The following CADM2 variants were observed in gnomAD, a reference collection of about 807,000 sequenced individuals.
The protein encoded by CADM2 is cell adhesion molecule 2.
In CADM2, 12 loss-of-function variants were observed where a neutral mutation model predicts 49.8. That is an observed-to-expected ratio of 0.24 (90% CI 0.15 to 0.39). The LOEUF is 0.39. Ranked by LOEUF, CADM2 falls within the 10% of genes least tolerant of loss-of-function variation. CADM2 has a pLI of 1.00. For synonymous variants in CADM2, 214 were observed against 175.4 expected (o/e 1.22, Z -1.74); for missense variants, 378 against 492.3 (o/e 0.77, Z 2.20).
chr3:85,340,317 A>C (rs1272092741), intron 1 of CADM2, among the ~76,000 whole-genome samples: 1 of 151,608 alleles, frequency 6.6e-6, no homozygotes, highest in Non-Finnish European at 1.5e-5. Context: ...TTAACAGGAA[A>C]ATTTATAAAC....
At chr3:85,675,099 T>C (rs1419368798) in intron 1 of CADM2, among the ~76,000 whole-genome samples, 1 of 152,116 alleles carries the variant, frequency 6.6e-6, no homozygotes, top group Non-Finnish European at 1.5e-5. Context: ...TTTACTTCAG[T>C]CTTAACTCCA....
chr3:85,819,399 C>G (rs2073413850), intron 3 of CADM2, among the ~76,000 whole-genome samples: 1 of 152,122 alleles, frequency 6.6e-6, no homozygotes, highest in Non-Finnish European at 1.5e-5. Flanking sequence ...CAGGTTGACA[C>G]TTAATATTAA....
chr3:86,013,107 C>T (rs1731757783), intron 8 of CADM2: 21 of 1,346,662 alleles, frequency 1.6e-5, no homozygotes, highest in South Asian at 1.4e-4. Flanking sequence ...AATATTTGAT[C>T]TTACAGTCAT....
intron 1 of CADM2, among the ~76,000 whole-genome samples, chr3:85,638,028 A>G (rs534975382): frequency 9.9e-5 from 15 of 152,186 alleles, no homozygotes; most frequent in African/African-American, 2.4e-5. Flanking sequence ...AAAGAGTGCA[A>G]TTCCTGGGAT....
intron 1 of CADM2, among the ~76,000 whole-genome samples, chr3:85,175,772 T>TA: frequency 6.6e-6 from 1 of 152,008 alleles, no homozygotes; most frequent in East Asian, 1.9e-4. Context: ...TTTACCACAA[T>TA]AAAAAATAGA....
chr3:85,568,553 C>T lies in CADM2; in HGVS notation c.62-157969C>T, dbSNP rs1374753115. Among the ~76,000 whole-genome samples, 11 of 137,806 alleles carry T rather than the reference C, an allele frequency of 8.0e-5. 1 individual carries two copies. Among genetic ancestry groups the T allele is most frequent in the South Asian group, 2.4e-4 (1 of 4,210 alleles). The allele number at this position is 137,806 out of a possible 152,430, so 90.4% of individuals were successfully genotyped here. A position where few individuals can be genotyped will look rare whatever the true frequency, so the allele number is the denominator to read the frequency against. On this transcript the variant is annotated intron_variant, in intron 1 of 9. Transcript: ENST00000383699. ...CTCTCTCTTTTCTTTCTTTCTTTCT[C>T]TTTCTTTCTTTTCCTTCCTTCCTTC...
chr3:85,511,679 T>G (rs1469376417), intron 1 of CADM2, among the ~76,000 whole-genome samples: 1 of 152,086 alleles, frequency 6.6e-6, no homozygotes, highest in Non-Finnish European at 1.5e-5. Context: ...CTATGCATTT[T>G]TGGAAACAAC....
chr3:85,009,451 T>C (rs1450511947), intron 1 of CADM2, among the ~76,000 whole-genome samples: 1 of 152,198 alleles, frequency 6.6e-6, no homozygotes, highest in African/African-American at 2.4e-5. Flanking sequence ...AACTTCTCTG[T>C]TCCTCATATG....
Position 85,369,640 on chromosome 3 carries a change from TTAGACATGG to T in CADM2, c.62-356877_62-356869del, listed in dbSNP as rs1169072135. Among the ~76,000 whole-genome samples the T allele has an allele frequency of 3.9e-5, 6 of 152,302 alleles. No homozygotes were observed. In the East Asian group the frequency reaches 1.2e-3, roughly 29 times the overall value. On this transcript the variant is annotated intron_variant, in intron 1 of 9. Transcript: ENST00000383699. ...GAAGGAGAACTGTGTATGTAAAAAC[TTAGACATGG>T]TAGATCTTGTGAAAATGTAAACATG... is the stretch of plus-strand genomic sequence containing the variant.
At chr3:85,957,904 G>A (rs1473327680) in intron 7 of CADM2, among the ~76,000 whole-genome samples, 7 of 151,806 alleles carry the variant, frequency 4.6e-5, no homozygotes, top group African/African-American at 9.7e-5. Flanking sequence ...TGATGAAAAC[G>A]CCAAAAGCGA....
intron 1 of CADM2, among the ~76,000 whole-genome samples, chr3:85,583,740 A>C (rs2062857994): frequency 6.6e-6 from 1 of 152,144 alleles, no homozygotes; most frequent in Non-Finnish European, 1.5e-5. Flanking sequence ...TATCTGTTCT[A>C]ATAATTTCCA....
chr3:85,050,975 G>A (rs575026813), intron 1 of CADM2, among the ~76,000 whole-genome samples: 1 of 152,160 alleles, frequency 6.6e-6, no homozygotes, highest in Admixed American at 6.6e-5. Flanking sequence ...AGCATACAAG[G>A]ACTGCCGCTG....
At chr3:85,311,199 C>T (rs2044333528) in intron 1 of CADM2, among the ~76,000 whole-genome samples, 4 of 151,878 alleles carry the variant, frequency 2.6e-5, no homozygotes, top group Admixed American at 2.6e-4. Flanking sequence ...AATAATAGGA[C>T]TCTTAGCCAT....
chr3:85,202,997 CT>C (rs2041546992), intron 1 of CADM2, among the ~76,000 whole-genome samples: 1 of 152,154 alleles, frequency 6.6e-6, no homozygotes, highest in Non-Finnish European at 1.5e-5. Flanking sequence ...GCTTCCTTAC[CT>C]TTTTTGCCTC....
At chr3:86,057,172 TG>T (rs1241432923) in intron 8 of CADM2, among the ~76,000 whole-genome samples, 4 of 152,184 alleles carry the variant, frequency 2.6e-5, no homozygotes, top group African/African-American at 9.6e-5. Flanking sequence ...GTAAGCGCAG[TG>T]ACGCATTTCT....
chr3:85,510,909 G>T (rs2040585808), intron 1 of CADM2, among the ~76,000 whole-genome samples: 1 of 151,700 alleles, frequency 6.6e-6, no homozygotes, highest in South Asian at 2.1e-4. Flanking sequence ...TGTAATGAGG[G>T]TTCATAAGCT....
intron 7 of CADM2, among the ~76,000 whole-genome samples, chr3:85,956,077 G>C (rs1421445157): frequency 1.3e-5 from 2 of 151,638 alleles, no homozygotes; most frequent in Non-Finnish European, 3.0e-5. Context: ...GCTGGTTAAA[G>C]AGAAACGTTC....
At chr3:85,331,296 G>A (rs1428974186) in intron 1 of CADM2, among the ~76,000 whole-genome samples, 1 of 151,638 alleles carries the variant, frequency 6.6e-6, no homozygotes, top group South Asian at 2.1e-4. Context: ...ACCCTTCCCA[G>A]CCTCTGGTAA....
intron 1 of CADM2, among the ~76,000 whole-genome samples, chr3:85,267,129 G>A (rs2043138602): frequency 7.9e-6 from 1 of 126,848 alleles, no homozygotes; most frequent in Non-Finnish European, 1.8e-5. Flanking sequence ...GAGTGAAGCT[G>A]AAAGATTAAC....
Sources: gnomAD v4.1 joint callset for allele counts (sites outside exome capture counted in the v4.1 genomes callset) on GRCh38, gnomAD v4.1.1 for gene constraint, MANE v1.5 for transcripts, NCBI Gene and HGNC (gene_info 2026-07-23, HGNC 2026-07-21) for gene names.